The following IRX2 variants were observed in gnomAD, a reference collection of about 807,000 sequenced individuals.
IRX2 encodes iroquois-class homeodomain protein IRX-2.
IRX2 carries 26 observed loss-of-function variants against 42.9 expected under a neutral mutation model. The observed-to-expected ratio is 0.61, with a 90% CI of 0.44 to 0.84. The LOEUF is 0.84. IRX2 is among the 40% of genes least tolerant of loss of function. The pLI is 0.00. For synonymous variants in IRX2, 424 were observed against 353.9 expected, an observed-to-expected ratio of 1.20 and a Z score of -2.22; for missense variants, 782 against 713.9, an observed-to-expected ratio of 1.10 and a Z score of -1.09.
downstream of IRX2, among the ~76,000 whole-genome samples, chr5:2,745,493 T>C (rs1259527406): frequency 6.6e-6 from 1 of 152,194 alleles, no homozygotes; most frequent in Non-Finnish European, 1.5e-5. Context: ...AATTTTAGAC[T>C]TGTCCTATAA....
downstream of IRX2, among the ~76,000 whole-genome samples, chr5:2,744,886 C>T (rs571011543): frequency 5.9e-5 from 9 of 152,362 alleles, no homozygotes; most frequent in South Asian, 4.1e-4. Context: ...TTCTCCCCAT[C>T]GGTATGGCTC....
At position 2,747,288 on chromosome 5, in the gene IRX2, TACACAC is replaced by T. The variant is rs113300568; in HGVS notation, c.*270_*275del. 11 of 225,270 alleles carry T rather than the reference TACACAC, an allele frequency of 4.9e-5. No homozygotes were observed. Among genetic ancestry groups the T allele is most frequent in the South Asian group, 1.2e-4 (1 of 8,518 alleles). The allele number at this position is 225,270 out of a possible 1,614,324, so 14.0% of individuals were successfully genotyped here. ...GTACTATATATATACATATATATAT[TACACAC>T]ACACACACACACATATATATATATA... On this transcript the variant is annotated 3_prime_UTR_variant, in exon 4 of 4. Coordinates refer to ENST00000302057, the MANE Select transcript of IRX2 (RefSeq NM_033267.5).
At chr5:2,743,634 C>T (rs1050858007), downstream of IRX2, among the ~76,000 whole-genome samples, 2 of 152,178 alleles carry the variant, frequency 1.3e-5, no homozygotes, top group African/African-American at 4.8e-5. Context: ...CGACGTCTCC[C>T]CGGCCTCAGT....
chr5:2,739,925 C>CA, the IRX2 span, among the ~76,000 whole-genome samples: 103 of 152,198 alleles, frequency 6.8e-4, 1 homozygote, highest in African/African-American at 2.4e-3. Context: ...AGGGTAGGAC[C>CA]AGGAAGGGGA....
chr5:2,750,718 A>G (rs1737921218), intron 1 of IRX2, among the ~76,000 whole-genome samples: 1 of 152,006 alleles, frequency 6.6e-6, no homozygotes, highest in Non-Finnish European at 1.5e-5. Context: ...GAGCCCCGCG[A>G]GTGAATGCGA....
In IRX2 at chr5:2,751,233, C is replaced by G. The variant is rs999324649; in HGVS notation, c.181G>C (p.Gly61Arg). Residue 61 changes from glycine to arginine, a missense_variant, in exon 1 of 4, where the codon GGC becomes CGC. Gly to Arg is a moderately radical substitution (Grantham distance 125). This residue lies in a region of IRX2 where 256 missense variants were observed against 250.0 expected (regional missense o/e 1.02). Coordinates refer to ENST00000302057, the MANE Select transcript of IRX2 (RefSeq NM_033267.5). The surrounding 1 kb of genome is among the most constrained non-coding windows in gnomAD (Gnocchi z 4.0). ...GAGTACTGCAGCGGGCTCCCGAAGC[C>G]GGTGGCCGCCTGCGCCGTGAAGGCC... ...SAAFTAQAAT[G>R]FGSPLQYSAD... The G allele has an allele frequency of 2.0e-5, 27 of 1,371,534 alleles. No individual in the cohort carries two copies. The Admixed American group carries it at 6.5e-4, about 33-fold the overall frequency. 85.0% of individuals were successfully genotyped at this position (1,371,534 alleles called of 1,614,324 possible).
chr5:2,740,495 A>G, the IRX2 span, among the ~76,000 whole-genome samples: 2 of 152,110 alleles, frequency 1.3e-5, no homozygotes, highest in Non-Finnish European at 2.9e-5. Context: ...CAGGGCAGAA[A>G]TGGGCCTAGA....
chr5:2,749,126 C>T (rs1369723424), intron 2 of IRX2, 74 bp from the exon 3 acceptor site: 2 of 1,543,278 alleles, frequency 1.3e-6, no homozygotes, highest in Admixed American at 3.9e-5. Flanking sequence ...GCCCCCTGTC[C>T]TGCGGCACTG....
At chr5:2,743,838 C>A (rs973115668), downstream of IRX2, among the ~76,000 whole-genome samples, 1 of 152,202 alleles carries the variant, frequency 6.6e-6, no homozygotes, top group Non-Finnish European at 1.5e-5. Context: ...CTCTACATTT[C>A]TTTAAAAAGA....
chr5:2,743,796 A>T (rs987043634), downstream of IRX2, among the ~76,000 whole-genome samples: 2 of 152,172 alleles, frequency 1.3e-5, no homozygotes, highest in Admixed American at 1.3e-4. Flanking sequence ...CATCTTTTCC[A>T]ATGACCAGCA....
chr5:2,741,737 A>AT (rs1361223411), downstream of IRX2, among the ~76,000 whole-genome samples: 2 of 152,140 alleles, frequency 1.3e-5, no homozygotes, highest in Non-Finnish European at 2.9e-5. Context: ...CCCTCTGGGT[A>AT]TTTTCTGTGA....
chr5:2,749,733 GGT>G lies in IRX2; in HGVS notation c.302_303del (p.His101ProfsTer88). 6.2e-7 allele frequency: 1 copy of G among 1,613,386 alleles called. No homozygotes were observed. Among genetic ancestry groups the G allele is most frequent in the African/African-American group, 1.3e-5 (1 of 75,054 alleles). ...TTGMTGAISY[H>X]PYGSAAYPYQ... ...TACGGGTAGGCCGCGCTGCCGTACG[GGT>G]GGTAGCTGATGGCGCCGGTCATGCC... On this transcript the variant is annotated frameshift_variant, in exon 2 of 4. Transcript: ENST00000302057. LOFTEE classifies it high-confidence loss of function.
chr5:2,741,633 G>A (rs1348638076), downstream of IRX2, among the ~76,000 whole-genome samples: 2 of 152,068 alleles, frequency 1.3e-5, no homozygotes, highest in East Asian at 3.8e-4. Flanking sequence ...TGACACTAAC[G>A]ATTAATAATT....
chr5:2,740,203 T>A, the IRX2 span, among the ~76,000 whole-genome samples: 1 of 150,498 alleles, frequency 6.6e-6, no homozygotes, highest in Non-Finnish European at 1.5e-5. Flanking sequence ...GTCCTGCCCA[T>A]CAGGCTGACT....
the IRX2 span, chr5:2,736,989 C>G: frequency 1.3e-5 from 2 of 152,200 alleles, no homozygotes; most frequent in African/African-American, 4.8e-5. Context: ...CACACAGGGC[C>G]TCATTTGTCC....
In IRX2 at chr5:2,747,482, A is replaced by G; in HGVS notation, c.*82T>C. ...TGACCAGAAGCAAGAAAAACACATT[A>G]AGCAAGTTGGTGCTGGGAGGCTCCA... is the stretch of plus-strand genomic sequence containing the variant. On this transcript the variant is annotated 3_prime_UTR_variant, in exon 4 of 4. Transcript: ENST00000302057. 1 of 1,204,890 alleles carries G rather than the reference A, an allele frequency of 8.3e-7. No individual in the cohort carries two copies. Among genetic ancestry groups the G allele is most frequent in the Non-Finnish European group, 1.2e-6 (1 of 815,436 alleles). The allele number at this position is 1,204,890 out of a possible 1,614,324, so 74.6% of individuals were successfully genotyped here.
Position 2,751,404 on chromosome 5 carries a change from G to A in IRX2, c.10C>T (p.Pro4Ser), listed in dbSNP as rs1037197794. MSY[P>S]QGYLYQAPGS... ...GGCGCCTGGTACAGGTAGCCCTGCGGGTAGGACATGGTGGGCGCGGGGCGC... is the reference window on the plus strand; with the variant it reads ...GGCGCCTGGTACAGGTAGCCCTGCGAGTAGGACATGGTGGGCGCGGGGCGC... Residue 4 changes from proline to serine, a missense_variant, in exon 1 of 4, where the codon CCG becomes TCG. By Grantham distance (74) the Pro-to-Ser change is moderately conservative (BLOSUM62 -1). Transcript: ENST00000302057. This position sits in a 1 kb window ranked among gnomAD's most constrained non-coding sequence, Gnocchi z 4.0. 1 of 1,380,766 alleles carries A rather than the reference G, an allele frequency of 7.2e-7. No individual in the cohort carries two copies. The highest frequency in any genetic ancestry group is 9.4e-7 in the Non-Finnish European group (1 of 1,065,298). The allele number at this position is 1,380,766 out of a possible 1,614,324, so 85.5% of individuals were successfully genotyped here. A position where few individuals can be genotyped will look rare whatever the true frequency, so the allele number is the denominator to read the frequency against.
chr5:2,740,889 C>A (rs2111434283), downstream of IRX2, among the ~76,000 whole-genome samples: 1 of 152,272 alleles, frequency 6.6e-6, no homozygotes, highest in African/African-American at 2.4e-5. Context: ...GCTGAGACCT[C>A]CTCGCCCCCT....
chr5:2,751,309 C>T lies in IRX2; in HGVS notation c.105G>A (p.Glu35=). 2 of 1,436,824 alleles carry T rather than the reference C, an allele frequency of 1.4e-6. No homozygotes were observed. The highest frequency in any genetic ancestry group is 1.8e-6 in the Non-Finnish European group (2 of 1,095,424). The allele number at this position is 1,436,824 out of a possible 1,614,324, so 89.0% of individuals were successfully genotyped here. A position where few individuals can be genotyped will look rare whatever the true frequency, so the allele number is the denominator to read the frequency against. Residue 35 remains glutamate, a synonymous_variant, in exon 1 of 4, where the codon GAG becomes GAA. Coordinates refer to ENST00000302057, the MANE Select transcript of IRX2 (RefSeq NM_033267.5). The surrounding 1 kb of genome is among the most constrained non-coding windows in gnomAD (Gnocchi z 4.0). The part of the protein sequence containing the change: ...ASALAAPRSE[E]LARSASGSAF... ...CCGAGCCCGACGCCGAGCGCGCCAG[C>T]TCCTCGCTGCGCGGAGCCGCCAAAG...
Sources: gnomAD v4.1 joint callset for allele counts (sites outside exome capture counted in the v4.1 genomes callset) on GRCh38, gnomAD v4.1.1 for gene constraint, gnomAD v4.1.1 regional missense constraint, Gnocchi (gnomAD v3.1) non-coding constraint, MANE v1.5 for transcripts, NCBI Gene and HGNC (gene_info 2026-07-23, HGNC 2026-07-21) for gene names.